The following ZNF519 variants were observed in gnomAD, a reference collection of about 807,000 sequenced individuals.
The protein encoded by ZNF519 is zinc finger protein 519.
ZNF519 carries 7 observed loss-of-function variants against 7.4 expected under a neutral mutation model. The observed-to-expected ratio is 0.94, with a 90% CI of 0.54 to 1.77. ZNF519 has a LOEUF of 1.77. Among genes scored for constraint, ZNF519 ranks in the 40% most tolerant of loss-of-function variants. ZNF519 has a pLI of 0.00. For missense variants in ZNF519, 586 were observed against 623.1 expected (o/e 0.94, Z 0.63); for synonymous variants, 179 against 203.3 (o/e 0.88, Z 1.02).
chr18:14,116,081 A>T lies in ZNF519; in HGVS notation c.130+8269T>A, dbSNP rs1221181662. Among the ~76,000 whole-genome samples the T allele has an allele frequency of 2.6e-5, 4 of 152,230 alleles. No individual in the cohort carries two copies. The East Asian group carries it at 7.7e-4, about 29-fold the overall frequency. ...GTATTAAGCCTAGTACACACTAAAGATTGAATCATATAATGTATCCTTTCT... is the reference window on the plus strand; with the variant it reads ...GTATTAAGCCTAGTACACACTAAAGTTTGAATCATATAATGTATCCTTTCT... On this transcript the variant is annotated intron_variant, in intron 2 of 2. Coordinates refer to ENST00000590202, the MANE Select transcript of ZNF519 (RefSeq NM_145287.4).
At chr18:14,092,574 C>T (rs549809947) in intron 2 of ZNF519, among the ~76,000 whole-genome samples, 8 of 152,104 alleles carry the variant, frequency 5.3e-5, no homozygotes, top group Non-Finnish European at 1.0e-4. Context: ...CTTCCTTAGG[C>T]TTCCTAGTCT....
rs956859542 is a variant in ZNF519 at position 14,132,429 on chromosome 18, T to C, written c.-152A>G. The stretch of plus-strand genomic sequence containing the variant: ...CCCTAACCCCGCGCTCTGGCTGAAG[T>C]GAGACAAAGGCCGCGCCAGATTCCG... On this transcript the variant is annotated 5_prime_UTR_variant, in exon 1 of 3. Transcript: ENST00000590202. 4.7e-5 allele frequency: 44 copies of C among 936,686 alleles called. No individual in the cohort carries two copies. Among genetic ancestry groups the C allele is most frequent in the Non-Finnish European group, 2.6e-5 (16 of 606,112 alleles). 58.0% of individuals were successfully genotyped at this position (936,686 alleles called of 1,614,324 possible).
intron 1 of ZNF519, 132 bp from the exon 2 acceptor site, chr18:14,124,608 C>T: frequency 9.1e-7 from 1 of 1,094,554 alleles, no homozygotes; most frequent in African/African-American, 1.6e-5. Context: ...GTAATGTTCT[C>T]TAAAGCATTC....
At chr18:14,111,060 GCAAA>G (rs2046217952) in intron 2 of ZNF519, among the ~76,000 whole-genome samples, 2 of 149,272 alleles carry the variant, frequency 1.3e-5, no homozygotes, top group South Asian at 4.2e-4. Flanking sequence ...GATGTATCTA[GCAAA>G]CAAAGCCAAA....
At position 14,078,384 on chromosome 18, in the gene ZNF519, C is replaced by T. The variant is rs1239672928; in HGVS notation, c.*178-86G>A. 2.0e-5 allele frequency: 3 copies of T among 152,128 alleles called. No homozygotes were observed. In the East Asian group the frequency reaches 5.8e-4, roughly 29 times the overall value. 9.4% of individuals were successfully genotyped at this position (152,128 alleles called of 1,614,324 possible). A position where few individuals can be genotyped will look rare whatever the true frequency, so the allele number is the denominator to read the frequency against. The stretch of plus-strand genomic sequence containing the variant: ...GTACATTATATATATTCTAAGAATA[C>T]ATATTTTATCAATTTACTGCTGTAG... On this transcript the variant is annotated intron_variant and NMD_transcript_variant, in intron 3 of 4. Coordinates refer to the ZNF519 transcript ENST00000587419.
chr18:14,113,598 C>T (rs1370006916), intron 2 of ZNF519, among the ~76,000 whole-genome samples: 1 of 152,000 alleles, frequency 6.6e-6, no homozygotes, highest in African/African-American at 2.4e-5. Flanking sequence ...TTCACAGCTA[C>T]AATAAAAATG....
Position 14,117,820 on chromosome 18 carries a change from C to T in ZNF519, c.130+6530G>A, listed in dbSNP as rs572112062. Among the ~76,000 whole-genome samples the T allele has an allele frequency of 1.5e-4, 23 of 152,132 alleles. 1 individual carries two copies. Among genetic ancestry groups the T allele is most frequent in the Admixed American group, 1.2e-3 (18 of 15,294 alleles). On this transcript the variant is annotated intron_variant, in intron 2 of 2. Coordinates refer to ENST00000590202, the MANE Select transcript of ZNF519 (RefSeq NM_145287.4). ...TTTTAAAAATAAGATCTCAGGAGAA[C>T]TTACTACAGCACAGACAGTACCAAA...
At position 14,105,955 on chromosome 18, in the gene ZNF519, C is replaced by T. The variant is rs144002886; in HGVS notation, c.585G>A (p.Lys195=). The T allele has an allele frequency of 1.8e-4, 292 of 1,604,654 alleles. 1 individual carries two copies. The African/African-American group carries it at 3.4e-3, about 19-fold the overall frequency. Residue 195 remains lysine, a synonymous_variant, in exon 3 of 3, where the codon AAG becomes AAA. Coordinates refer to ENST00000590202, the MANE Select transcript of ZNF519 (RefSeq NM_145287.4). ...TATGGATATTTTCAGGGAAAATAAG[C>T]TTTGAGGATTGGTAAAATACTTTTT... ...ECEKVFYQSS[K]LIFPENIHIQ... is the part of the protein sequence containing the mutation.
At chr18:14,081,460 A>C (rs556605607) in intron 3 of ZNF519, among the ~76,000 whole-genome samples, 14 of 152,294 alleles carry the variant, frequency 9.2e-5, no homozygotes, top group African/African-American at 3.1e-4. Context: ...ATCAATAATA[A>C]AGGCAATGCT....
intron 3 of ZNF519, among the ~76,000 whole-genome samples, chr18:14,080,934 T>C (rs972711010): frequency 6.6e-6 from 1 of 152,170 alleles, no homozygotes; most frequent in African/African-American, 2.4e-5. Context: ...AAAGGCTAAA[T>C]AGTATATGAC....
chr18:14,089,196 GAA>G (rs1410692778), intron 2 of ZNF519, among the ~76,000 whole-genome samples: 1 of 152,152 alleles, frequency 6.6e-6, no homozygotes, highest in South Asian at 2.1e-4. Flanking sequence ...GCAAGTAAAT[GAA>G]AGTCATTTTA....
Position 14,114,682 on chromosome 18 carries a change from G to A in ZNF519, c.131-8273C>T, listed in dbSNP as rs2046237439. Among the ~76,000 whole-genome samples, 3 of 152,098 alleles carry A rather than the reference G, an allele frequency of 2.0e-5. No individual in the cohort carries two copies. The South Asian group carries it at 6.2e-4, about 32-fold the overall frequency. ...GTATAGTGGGGGGTTGGTGGGAAGTGGGGAAGGTTAATGAGCACAAAAATA... is the reference window on the plus strand; with the variant it reads ...GTATAGTGGGGGGTTGGTGGGAAGTAGGGAAGGTTAATGAGCACAAAAATA... On this transcript the variant is annotated intron_variant, in intron 2 of 2. Coordinates refer to ENST00000590202, the MANE Select transcript of ZNF519 (RefSeq NM_145287.4).
At chr18:14,092,531 G>C (rs936274766) in intron 2 of ZNF519, among the ~76,000 whole-genome samples, 1 of 152,030 alleles carries the variant, frequency 6.6e-6, no homozygotes, top group Admixed American at 6.5e-5. Context: ...GATTCCATGG[G>C]GCAAATTCAA....
chr18:14,129,161 G>A (rs1285117308), intron 1 of ZNF519, among the ~76,000 whole-genome samples: 1 of 152,164 alleles, frequency 6.6e-6, no homozygotes, highest in Non-Finnish European at 1.5e-5. Flanking sequence ...ACAATCAGAA[G>A]AGATTATGAT....
chr18:14,095,102 T>G (rs1042817942), downstream of ZNF519, among the ~76,000 whole-genome samples: 4 of 152,218 alleles, frequency 2.6e-5, no homozygotes, highest in African/African-American at 9.7e-5. Context: ...TAGGGGCACG[T>G]GACAATCTCG....
intron 2 of ZNF519, among the ~76,000 whole-genome samples, chr18:14,108,080 T>C (rs1025836081): frequency 3.3e-5 from 5 of 152,152 alleles, no homozygotes; most frequent in African/African-American, 1.2e-4. Flanking sequence ...CCCCAGGACC[T>C]TGAGCAATTA....
chr18:14,078,129 G>C (rs1401892045), intron 4 of ZNF519: 2 of 152,194 alleles, frequency 1.3e-5, no homozygotes, highest in Non-Finnish European at 2.9e-5. Context: ...GCTTCTGTGA[G>C]AATCTAATGC....
intron 2 of ZNF519, among the ~76,000 whole-genome samples, chr18:14,122,754 T>TC (rs922838313): frequency 6.6e-6 from 1 of 152,162 alleles, no homozygotes; most frequent in Non-Finnish European, 1.5e-5. Flanking sequence ...CATTTTTTTT[T>TC]CTTTTTGAAA....
chr18:14,128,155 T>C (rs1344675268), intron 1 of ZNF519, among the ~76,000 whole-genome samples: 2 of 149,930 alleles, frequency 1.3e-5, no homozygotes, highest in Admixed American at 1.3e-4. Context: ...TAGCCGGGTG[T>C]GGTGGTGGGC....
Sources: gnomAD v4.1 joint callset for allele counts (sites outside exome capture counted in the v4.1 genomes callset) on GRCh38, gnomAD v4.1.1 for gene constraint, MANE v1.5 for transcripts, NCBI Gene and HGNC (gene_info 2026-07-23, HGNC 2026-07-21) for gene names.